Variants in SDC3 observed in about 807,000 individuals in gnomAD.
The protein encoded by SDC3 is syndecan-3.
SDC3 carries 13 observed loss-of-function variants against 24.4 expected under a neutral mutation model. The observed-to-expected ratio is 0.53, with a 90% confidence interval of 0.35 to 0.85. The LOEUF (loss-of-function observed/expected upper bound fraction) is 0.85. Among genes scored for constraint, SDC3 ranks in the 40% least tolerant of loss-of-function variants. The probability of loss-of-function intolerance (pLI) is 0.01; values close to 1 mark genes in which losing one functional copy is unlikely to be tolerated. For synonymous variants in SDC3, 295 were observed against 260.9 expected (o/e 1.13, Z -1.26); for missense variants, 571 against 584.5 (o/e 0.98, Z 0.24).
chr1:30,908,885 C>A, upstream of SDC3: 1 of 150,294 alleles, frequency 6.7e-6, no homozygotes, highest in South Asian at 2.0e-4. Context: ...GCTCCGCGCC[C>A]TCTGACCCCA....
At chr1:30,903,212 C>T (rs762695096) in intron 1 of SDC3, among the ~76,000 whole-genome samples, 13 of 152,138 alleles carry the variant, frequency 8.5e-5, no homozygotes, top group Non-Finnish European at 1.8e-4. Flanking sequence ...CGGATTTGGC[C>T]TCCACACACT....
At chr1:30,889,071 AG>A (rs1639870710) in intron 1 of SDC3, among the ~76,000 whole-genome samples, 1 of 152,236 alleles carries the variant, frequency 6.6e-6, no homozygotes. Flanking sequence ...GAGACACAGC[AG>A]GGACTCTGAT....
At chr1:30,898,004 T>C (rs1638316754) in intron 1 of SDC3, among the ~76,000 whole-genome samples, 1 of 152,150 alleles carries the variant, frequency 6.6e-6, no homozygotes, top group Non-Finnish European at 1.5e-5. Flanking sequence ...TGCCTTGGTT[T>C]GGACTCAAAG....
Position 30,873,150 on chromosome 1 carries a change from G to T in SDC3, c.*61C>A. On this transcript the variant is annotated 3_prime_UTR_variant, in exon 5 of 5. Coordinates refer to ENST00000339394, the MANE Select transcript of SDC3 (RefSeq NM_014654.4). Reference sequence around the variant, plus strand: ...CCAGTCCCAGGCTTGGGCTGGTGGGGCCAGGCTGGGGACTGGACAGCAGGG... The same window carrying T: ...CCAGTCCCAGGCTTGGGCTGGTGGGTCCAGGCTGGGGACTGGACAGCAGGG... 1 of 1,286,244 alleles carries T rather than the reference G, an allele frequency of 7.8e-7. No individual in the cohort carries two copies. The highest frequency in any genetic ancestry group is 1.1e-6 in the Non-Finnish European group (1 of 890,776). 79.7% of individuals were successfully genotyped at this position (1,286,244 alleles called of 1,614,324 possible).
intron 3 of SDC3, among the ~76,000 whole-genome samples, 191 bp downstream of exon 3, chr1:30,876,361 C>A (rs894294089): frequency 1.3e-5 from 2 of 152,164 alleles, no homozygotes; most frequent in Non-Finnish European, 2.9e-5. Flanking sequence ...TCCAACCACC[C>A]CAGCCCTCGT....
At chr1:30,888,402 T>G (rs764158337) in intron 1 of SDC3, among the ~76,000 whole-genome samples, 11 of 152,152 alleles carry the variant, frequency 7.2e-5, no homozygotes, top group Non-Finnish European at 1.6e-4. Context: ...TCGCCAGCCC[T>G]AGAGCTCTGC....
chr1:30,874,559 T>G lies in SDC3; in HGVS notation c.900A>C (p.Thr300=), dbSNP rs1449627878. 1.9e-6 allele frequency: 3 copies of G among 1,613,992 alleles called. No individual in the cohort carries two copies. The highest frequency in any genetic ancestry group is 2.2e-5 in the East Asian group (1 of 44,890). Residue 300 remains threonine, a synonymous_variant, in exon 4 of 5, where the codon ACA becomes ACC. Transcript: ENST00000339394. ...QTPTPETFLT[T]IRDEPEVPVS... ...CCGGAACCTCTGGCTCATCCCGGATTGTGGTCAGGAAGGTCTCTGGAGTTG... is the reference window on the plus strand; with the variant it reads ...CCGGAACCTCTGGCTCATCCCGGATGGTGGTCAGGAAGGTCTCTGGAGTTG...
chr1:30,904,444 G>A (rs904396987), intron 1 of SDC3, among the ~76,000 whole-genome samples: 1 of 151,944 alleles, frequency 6.6e-6, no homozygotes, highest in Non-Finnish European at 1.5e-5. Flanking sequence ...GCTTGTATGA[G>A]GTGGGAGGAG....
intron 1 of SDC3, chr1:30,879,912 G>C (rs1569999197): frequency 1.3e-5 from 2 of 152,576 alleles, no homozygotes; most frequent in East Asian, 3.8e-4. Context: ...ATGCCACATA[G>C]ACCCTTGAAA....
rs1357134950 is a variant in SDC3, at chr1:30,903,182, G to A, written c.138+5267C>T. 2.6e-5 allele frequency among the ~76,000 whole-genome samples: 4 copies of A among 152,188 alleles called. No homozygotes were observed. In the South Asian group the frequency reaches 8.3e-4, roughly 31 times the overall value. On this transcript the variant is annotated intron_variant, in intron 1 of 4. Coordinates refer to ENST00000339394, the MANE Select transcript of SDC3 (RefSeq NM_014654.4). ...TTGGCTGCAATGGGGCCAGTGCTCA[G>A]AGATGGAGCAGGAGGAACACGGATT...
intron 1 of SDC3, among the ~76,000 whole-genome samples, chr1:30,894,161 G>A (rs191839230): frequency 3.0e-4 from 42 of 142,284 alleles, no homozygotes; most frequent in African/African-American, 9.1e-4. Context: ...GTGAGTGTGC[G>A]TGTGTGTGAG....
intron 1 of SDC3, among the ~76,000 whole-genome samples, chr1:30,886,167 C>A (rs1171823120): frequency 6.6e-6 from 1 of 151,832 alleles, no homozygotes; most frequent in Non-Finnish European, 1.5e-5. Context: ...GGAACACGGG[C>A]TCCTTCAGGC....
At chr1:30,907,758 C>A (rs970741933) in intron 1 of SDC3, among the ~76,000 whole-genome samples, 4 of 152,212 alleles carry the variant, frequency 2.6e-5, no homozygotes, top group Non-Finnish European at 1.5e-5. Context: ...CACGCCCACA[C>A]ACGCCCACAC....
rs1268127531 is a variant in SDC3, at chr1:30,908,466, C to A, written c.121G>T (p.Ala41Ser). The change falls in exon 1 of 5, where the codon GCG becomes TCG. Residue 41 changes from alanine to serine, a missense_variant. This residue lies in a region of SDC3 where 497 missense variants were observed against 471.6 expected (regional missense o/e 1.05). Coordinates refer to ENST00000339394, the MANE Select transcript of SDC3 (RefSeq NM_014654.4). The stretch of plus-strand genomic sequence containing the variant: ...TCACTCACCCCCGCGGCGCGCCCCG[C>A]CAGCAGCAGCAGCAGCAGCGGTGGC... ...LLPPLLLLLL[A>S]GRAAGAQRWR... 1 of 1,033,632 alleles carries A rather than the reference C, an allele frequency of 9.7e-7. No homozygotes were observed. Among genetic ancestry groups the A allele is most frequent in the Non-Finnish European group, 1.2e-6 (1 of 857,940 alleles). 64.0% of individuals were successfully genotyped at this position (1,033,632 alleles called of 1,614,324 possible). A position where few individuals can be genotyped will look rare whatever the true frequency, so the allele number is the denominator to read the frequency against.
chr1:30,903,967 T>C (rs1396305785), intron 1 of SDC3, among the ~76,000 whole-genome samples: 1 of 152,134 alleles, frequency 6.6e-6, no homozygotes, highest in Non-Finnish European at 1.5e-5. Flanking sequence ...CTCACAACTG[T>C]AATCCCAGCA....
At chr1:30,880,923 G>A (rs977587258) in intron 1 of SDC3, among the ~76,000 whole-genome samples, 5 of 151,430 alleles carry the variant, frequency 3.3e-5, no homozygotes, top group East Asian at 1.9e-4. Context: ...GCCCCAGGAC[G>A]CTGCCAGCTT....
chr1:30,895,848 G>A (rs1250687268), intron 1 of SDC3, among the ~76,000 whole-genome samples: 3 of 145,308 alleles, frequency 2.1e-5, no homozygotes, highest in African/African-American at 7.5e-5. Flanking sequence ...AAGCGAGTAA[G>A]AGGAGGAGGG....
intron 1 of SDC3, among the ~76,000 whole-genome samples, chr1:30,883,031 A>G (rs1639769514): frequency 1.3e-5 from 2 of 152,178 alleles, no homozygotes; most frequent in African/African-American, 2.4e-5. Flanking sequence ...TAAAATTTCT[A>G]TTATTATTTC....
At chr1:30,879,642 G>A (rs1467880957) in intron 1 of SDC3, among the ~76,000 whole-genome samples, 1 of 152,154 alleles carries the variant, frequency 6.6e-6, no homozygotes, top group Non-Finnish European at 1.5e-5. Flanking sequence ...GACTGAGCAG[G>A]GACCCAGGCT....
Sources: allele counts gnomAD v4.1 joint callset (sites outside exome capture counted in the v4.1 genomes callset), GRCh38; gene constraint gnomAD v4.1.1; regional missense constraint gnomAD v4.1.1; transcripts MANE v1.5; gene names NCBI Gene and HGNC (gene_info 2026-07-23, HGNC 2026-07-21).